LYG2: variants seen among roughly 807,000 people sequenced by gnomAD.
The protein encoded by LYG2 is lysozyme g-like protein 2.
Under a neutral mutation model 22.4 loss-of-function variants are expected in LYG2, and 25 were observed. The ratio of observed to expected loss-of-function variants is 1.12; its 90% CI spans 0.81 to 1.56. The LOEUF (loss-of-function observed/expected upper bound fraction) is 1.56. Among genes scored for constraint, LYG2 ranks in the 40% most tolerant of loss-of-function variants. The probability of loss-of-function intolerance (pLI) is 0.00; values close to 1 mark genes in which losing one functional copy is unlikely to be tolerated. For missense variants in LYG2, 266 were observed against 269.5 expected (o/e 0.99, Z 0.09); for synonymous variants, 88 against 97.0 (o/e 0.91, Z 0.55).
chr2:99,245,813 G>A (rs1297363174), intron 4 of LYG2, among the ~76,000 whole-genome samples: 4 of 152,076 alleles, frequency 2.6e-5, no homozygotes, highest in Middle Eastern at 3.4e-3. Flanking sequence ...AACAGGTGTC[G>A]CTTCTGCTCT....
upstream of LYG2, among the ~76,000 whole-genome samples, chr2:99,258,345 G>A (rs1211132350): frequency 1.3e-5 from 2 of 152,216 alleles, no homozygotes; most frequent in Non-Finnish European, 2.9e-5. Context: ...AGAGATGCCA[G>A]TTACTATCAT....
At chr2:99,248,373 A>C (rs965381448) in intron 3 of LYG2, among the ~76,000 whole-genome samples, 5 of 152,246 alleles carry the variant, frequency 3.3e-5, no homozygotes, top group Non-Finnish European at 5.9e-5. Flanking sequence ...AAAATGTGGC[A>C]CATATACACC....
At chr2:99,247,045 ATAT>A (rs2094017247) in intron 3 of LYG2, among the ~76,000 whole-genome samples, 1 of 152,164 alleles carries the variant, frequency 6.6e-6, no homozygotes, top group Non-Finnish European at 1.5e-5. Flanking sequence ...TCTATGCAAA[ATAT>A]TATGAAATTC....
chr2:99,250,662 C>T (rs1319283673), intron 3 of LYG2, among the ~76,000 whole-genome samples: 1 of 152,204 alleles, frequency 6.6e-6, no homozygotes, highest in Non-Finnish European at 1.5e-5. Flanking sequence ...GCGTGAGCCA[C>T]CACGCCTGGC....
At chr2:99,257,491 A>T (rs138169702), upstream of LYG2, among the ~76,000 whole-genome samples, 1 of 152,332 alleles carries the variant, frequency 6.6e-6, no homozygotes, top group East Asian at 1.9e-4. Context: ...GAAGAAATGT[A>T]CTGAATAATT....
chr2:99,260,528 T>C (rs1407394691), upstream of LYG2, among the ~76,000 whole-genome samples: 3 of 152,184 alleles, frequency 2.0e-5, no homozygotes, highest in South Asian at 6.2e-4. Context: ...GTCTGGATGA[T>C]TTTGTAAAAA....
chr2:99,246,702 A>G lies in LYG2; in HGVS notation c.162T>C (p.Asp54=). 6.2e-7 allele frequency: 1 copy of G among 1,614,080 alleles called. No individual in the cohort carries two copies. ...TACCGCAGTTCATCACACTGTTTGC[A>G]TCACAAGTGGCCCCAGAGGTCTTCA... ...MTMKTSGATC[D]ANSVMNCGIR... The change falls in exon 4 of 7, where the codon GAT becomes GAC. Residue 54 remains aspartate (D), a synonymous_variant. Transcript: ENST00000333017.
At position 99,242,415 on chromosome 2, in the gene LYG2, G is replaced by A. The variant is rs765534984; in HGVS notation, c.588C>T (p.Phe196=). 6.9e-5 allele frequency: 111 copies of A among 1,613,466 alleles called. No homozygotes were observed. Among genetic ancestry groups the A allele is most frequent in the Non-Finnish European group, 8.6e-5 (101 of 1,179,664 alleles). The part of the protein sequence containing the change: ...IATPSDIDND[F]VNDIIARAKF... ...TAGCTCGAGCAATGATATCATTGAC[G>A]AAGTCATTGTCTATGTCCGATGGGG... Residue 196 remains phenylalanine, a synonymous_variant, in exon 7 of 7, where the codon TTC becomes TTT. Transcript: ENST00000333017.
At chr2:99,245,591 T>C (rs2094014648) in intron 4 of LYG2, 133 bp from the exon 5 acceptor site, 2 of 391,576 alleles carry the variant, frequency 5.1e-6, no homozygotes, top group Non-Finnish European at 4.4e-6. Context: ...CTGGGCATCA[T>C]AGTGAGAGCC....
chr2:99,257,121 A>C (rs1027963524), upstream of LYG2, among the ~76,000 whole-genome samples: 3 of 152,260 alleles, frequency 2.0e-5, no homozygotes, highest in Admixed American at 1.3e-4. Context: ...CAACAGGTCC[A>C]AATCAATCTG....
chr2:99,257,079 G>A (rs116402427), upstream of LYG2, among the ~76,000 whole-genome samples: 449 of 152,304 alleles, frequency 2.9e-3, 2 homozygotes, highest in African/African-American at 1.0e-2. Flanking sequence ...GTGCCAGCAC[G>A]ATGGACAAAT....
chr2:99,245,567 A>G, intron 4 of LYG2, 109 bp from the exon 5 acceptor site: 1 of 476,018 alleles, frequency 2.1e-6, no homozygotes, highest in Non-Finnish European at 3.5e-6. Flanking sequence ...ACCCAGGAGG[A>G]GTTCGAAACC....
At chr2:99,250,168 C>G (rs899782381) in intron 3 of LYG2, among the ~76,000 whole-genome samples, 1 of 152,094 alleles carries the variant, frequency 6.6e-6, no homozygotes, top group African/African-American at 2.4e-5. Context: ...GTTTGTGGTC[C>G]CTTTTGCCTA....
At chr2:99,246,537 G>C in intron 4 of LYG2, 143 bp downstream of exon 4, 1 of 907,512 alleles carries the variant, frequency 1.1e-6, no homozygotes, top group Non-Finnish European at 1.7e-6. Flanking sequence ...AGATTGGTCA[G>C]GATTGTGGTT....
intron 2 of LYG2, 82 bp from the exon 3 acceptor site, chr2:99,254,367 A>C (rs1051372195): frequency 1.3e-5 from 14 of 1,086,450 alleles, no homozygotes; most frequent in African/African-American, 1.6e-5. Context: ...TATTTTAAAA[A>C]GTTTAGAGTT....
intron 3 of LYG2, among the ~76,000 whole-genome samples, chr2:99,253,153 A>G (rs1043519747): frequency 6.6e-6 from 1 of 152,040 alleles, no homozygotes; most frequent in African/African-American, 2.4e-5. Flanking sequence ...TTTACCCAGC[A>G]TTCCCAGTTG....
rs36096004 is a variant in LYG2, at chr2:99,243,491, CAGATAGATAGATAGAT to C, written c.520+492_520+507del. 9.6e-4 allele frequency: 1,250 copies of C among 1,302,524 alleles called. 10 individuals are homozygous for C. Among genetic ancestry groups the C allele is most frequent in the South Asian group, 6.0e-3 (449 of 74,512 alleles). The allele number at this position is 1,302,524 out of a possible 1,614,324, so 80.7% of individuals were successfully genotyped here. A position where few individuals can be genotyped will look rare whatever the true frequency, so the allele number is the denominator to read the frequency against. ...AAAAAACCTATGAGAGGTAGGCAAACAGATAGATAGATAGATAGATAGATAGATAGATAGATAGATA... is the reference window on the plus strand; with the variant it reads ...AAAAAACCTATGAGAGGTAGGCAAACAGATAGATAGATAGATAGATAGATA... On this transcript the variant is annotated intron_variant, in intron 6 of 6. Coordinates refer to ENST00000333017, the MANE Select transcript of LYG2 (RefSeq NM_175735.4).
intron 3 of LYG2, among the ~76,000 whole-genome samples, chr2:99,249,761 CAAA>C (rs70940156): frequency 3.2e-4 from 21 of 65,328 alleles, no homozygotes; most frequent in African/African-American, 9.6e-4. Flanking sequence ...AACTCTGTCT[CAAA>C]AAAAAAAAAA....
intron 3 of LYG2, among the ~76,000 whole-genome samples, chr2:99,249,780 A>G (rs1442820765): frequency 2.0e-5 from 3 of 151,234 alleles, no homozygotes; most frequent in East Asian, 1.9e-4. Context: ...AAAAAAAAAA[A>G]AAAAAGAATC....
Sources: allele counts gnomAD v4.1 joint callset (sites outside exome capture counted in the v4.1 genomes callset), GRCh38; gene constraint gnomAD v4.1.1; transcripts MANE v1.5; gene names NCBI Gene and HGNC (gene_info 2026-07-23, HGNC 2026-07-21).